Variants in CPLX2 observed in about 807,000 individuals in gnomAD.
CPLX2 encodes complexin-2.
CPLX2 carries 5 observed loss-of-function variants against 16.3 expected under a neutral mutation model. The ratio of observed to expected loss-of-function variants is 0.31; its 90% confidence interval spans 0.16 to 0.64. The LOEUF (loss-of-function observed/expected upper bound fraction) is 0.64. Ranked by LOEUF, CPLX2 falls within the 30% of genes least tolerant of loss-of-function variation. The pLI, the probability that CPLX2 is intolerant of heterozygous loss-of-function variation, is 0.79. For missense variants in CPLX2, 144 were observed against 181.4 expected (o/e 0.79, Z 1.18); for synonymous variants, 89 against 73.2 (o/e 1.22, Z -1.10).
intron 1 of CPLX2, among the ~76,000 whole-genome samples, chr5:175,875,451 T>C (rs1283489298): frequency 2.0e-5 from 3 of 152,180 alleles, no homozygotes. Flanking sequence ...TTACAACCAT[T>C]TACTGAGCAC....
At chr5:175,832,987 C>G (rs1158812286) in intron 2 of CPLX2, among the ~76,000 whole-genome samples, 1 of 152,098 alleles carries the variant, frequency 6.6e-6, no homozygotes, top group Non-Finnish European at 1.5e-5. Flanking sequence ...AAAACCCCGT[C>G]TCTACTACAA....
intron 2 of CPLX2, among the ~76,000 whole-genome samples, chr5:175,813,560 G>A (rs571823070): frequency 1.3e-5 from 2 of 152,402 alleles, no homozygotes; most frequent in Admixed American, 1.3e-4. Context: ...CTGGAACAGT[G>A]TGGGGTGGGC....
rs1755574286 is a variant in CPLX2, at chr5:175,880,872, T to C, written c.*827T>C. ...CATCGGGTAGCGATGGTCTATGCCA[T>C]GGGGAACACCTCCATTGGTGTGGCC... On this transcript the variant is annotated 3_prime_UTR_variant, in exon 4 of 4. Transcript: ENST00000393745. 1.3e-5 allele frequency: 2 copies of C among 152,778 alleles called. No individual in the cohort carries two copies. The highest frequency in any genetic ancestry group is 1.3e-4 in the Admixed American group (2 of 15,284). 9.5% of individuals were successfully genotyped at this position (152,778 alleles called of 1,614,324 possible).
intron 1 of CPLX2, among the ~76,000 whole-genome samples, chr5:175,797,419 C>G (rs2434238): frequency 0.6 from 90,590 of 151,968 alleles, 27,922 homozygotes; most frequent in East Asian, 0.9. Context: ...AGGCACAGAA[C>G]GGTCCCGGCT....
At chr5:175,847,167 A>G (rs1759057927) in intron 2 of CPLX2, among the ~76,000 whole-genome samples, 1 of 152,232 alleles carries the variant, frequency 6.6e-6, no homozygotes, top group African/African-American at 2.4e-5. Flanking sequence ...CACCGCAGGA[A>G]GTTTCTGAGC....
intron 2 of CPLX2, among the ~76,000 whole-genome samples, chr5:175,825,699 T>G (rs549367466): frequency 6.6e-6 from 1 of 152,244 alleles, no homozygotes; most frequent in East Asian, 1.9e-4. Context: ...CACCACCATC[T>G]GCTTCCACAT....
At chr5:175,871,572 C>T (rs1409639874), upstream of CPLX2, 3 of 152,160 alleles carry the variant, frequency 2.0e-5, no homozygotes, top group African/African-American at 7.2e-5. Context: ...GGCAGCCGCC[C>T]GCGGCAGAAG....
intron 1 of CPLX2, among the ~76,000 whole-genome samples, chr5:175,807,617 A>G (rs1379893432): frequency 1.3e-5 from 2 of 152,136 alleles, no homozygotes; most frequent in African/African-American, 2.4e-5. Flanking sequence ...GAGAGCAGGG[A>G]TCATGCCTGC....
At chr5:175,878,207 A>T (rs1345403344) in intron 1 of CPLX2, 2 of 152,862 alleles carry the variant, frequency 1.3e-5, no homozygotes, top group Non-Finnish European at 2.9e-5. Flanking sequence ...GCCCCCTCCA[A>T]TCTCCGCCGG....
At chr5:175,865,493 G>T (rs1342559972) in intron 2 of CPLX2, among the ~76,000 whole-genome samples, 1 of 152,212 alleles carries the variant, frequency 6.6e-6, no homozygotes, top group Non-Finnish European at 1.5e-5. Flanking sequence ...GAACAGGAAG[G>T]CTGGAAACTA....
rs560900177 is a variant in CPLX2 at position 175,816,564 on chromosome 5, G to C, written c.-89+7496G>C. The stretch of plus-strand genomic sequence containing the variant: ...GTCACATGACCTATCTCACCATCAG[G>C]GGCGGGAAAGAATTCACTGAGTTCA... On this transcript the variant is annotated intron_variant, in intron 2 of 4. Transcript: ENST00000359546. Among the ~76,000 whole-genome samples the C allele has an allele frequency of 5.3e-5, 8 of 152,316 alleles. No individual in the cohort carries two copies. In the East Asian group the frequency reaches 1.5e-3, roughly 29 times the overall value.
chr5:175,803,223 C>T (rs144678164), intron 1 of CPLX2, among the ~76,000 whole-genome samples: 116 of 152,264 alleles, frequency 7.6e-4, no homozygotes, highest in African/African-American at 2.7e-3. Flanking sequence ...AGGAATGGCT[C>T]ATTGATTCGT....
chr5:175,866,272 GA>G (rs1759475162), intron 2 of CPLX2, among the ~76,000 whole-genome samples: 1 of 152,246 alleles, frequency 6.6e-6, no homozygotes, highest in Non-Finnish European at 1.5e-5. Context: ...CATCAGAGAA[GA>G]GTTCTTAATG....
rs527737132 is a variant in CPLX2, at chr5:175,836,142, A to G, written c.-89+27074A>G. ...AAGGCGGGCAGATCACGAGGTCAGG[A>G]GATCGAAACCATCCTGGCTAACACG... On this transcript the variant is annotated intron_variant, in intron 2 of 4. Transcript: ENST00000359546. Among the ~76,000 whole-genome samples the G allele has an allele frequency of 2.6e-3, 397 of 152,194 alleles. 2 individuals are homozygous for G. The highest frequency in any genetic ancestry group is 4.5e-3 in the Non-Finnish European group (305 of 67,976).
chr5:175,840,407 T>C (rs1212481126), intron 2 of CPLX2, among the ~76,000 whole-genome samples: 1 of 152,212 alleles, frequency 6.6e-6, no homozygotes, highest in African/African-American at 2.4e-5. Context: ...CAAGATAGAA[T>C]AGAGCTGGGT....
intron 2 of CPLX2, among the ~76,000 whole-genome samples, chr5:175,861,358 C>T (rs1191496066): frequency 1.3e-5 from 2 of 152,160 alleles, no homozygotes; most frequent in Non-Finnish European, 2.9e-5. Context: ...GTGGAGGGCT[C>T]TGCAGCAGGG....
chr5:175,797,827 G>A (rs1377025109), intron 1 of CPLX2, among the ~76,000 whole-genome samples: 2 of 152,198 alleles, frequency 1.3e-5, no homozygotes, highest in African/African-American at 4.8e-5. Context: ...CAATTAGCAA[G>A]AAAAAAGGTT....
At chr5:175,878,511 T>C (rs1408373605) in intron 1 of CPLX2, 141 bp from the exon 2 acceptor site, 2 of 596,026 alleles carry the variant, frequency 3.4e-6, no homozygotes, top group Middle Eastern at 8.9e-4. Context: ...ATCTCCTTTC[T>C]CCTCCAGCAG....
Position 175,821,204 on chromosome 5 carries a change from G to A in CPLX2, c.-89+12136G>A, listed in dbSNP as rs145126264. ...TGGTTTCCCCATCCCCAGGGGCAAG[G>A]GCAACTGAACCCCACACAGGGCCAG... On this transcript the variant is annotated intron_variant, in intron 2 of 4. Transcript: ENST00000359546. Among the ~76,000 whole-genome samples the A allele has an allele frequency of 5.2e-3, 792 of 152,106 alleles. 12 individuals are homozygous for A. The highest frequency in any genetic ancestry group is 0.018 in the African/African-American group (757 of 41,456).
Sources: gnomAD v4.1 joint callset for allele counts (sites outside exome capture counted in the v4.1 genomes callset) on GRCh38, gnomAD v4.1.1 for gene constraint, MANE v1.5 for transcripts, NCBI Gene and HGNC (gene_info 2026-07-23, HGNC 2026-07-21) for gene names.